The following WDR7 variants were observed in gnomAD, a reference collection of about 807,000 sequenced individuals.
WDR7 encodes the protein WD repeat domain 7.
In WDR7, 46 loss-of-function variants were observed where a neutral mutation model predicts 169.4. The observed-to-expected ratio is 0.27, with a 90% CI of 0.21 to 0.35. The LOEUF (loss-of-function observed/expected upper bound fraction) is 0.35. Ranked by LOEUF, WDR7 falls within the 10% of genes least tolerant of loss-of-function variation. WDR7 has a pLI of 1.00. For missense variants in WDR7, 1,534 were observed against 1,859.3 expected (o/e 0.83, Z 3.22); for synonymous variants, 612 against 666.8 (o/e 0.92, Z 1.27).
At chr18:56,904,606 G>A (rs2046451434) in intron 21 of WDR7, among the ~76,000 whole-genome samples, 1 of 152,082 alleles carries the variant, frequency 6.6e-6, no homozygotes, top group Admixed American at 6.6e-5. Flanking sequence ...GAGAGTGGCA[G>A]CCATTCCTGC....
intron 5 of WDR7, among the ~76,000 whole-genome samples, chr18:56,684,879 G>A (rs1387563294): frequency 6.6e-6 from 1 of 152,208 alleles, no homozygotes; most frequent in Non-Finnish European, 1.5e-5. Context: ...AAGCATAACA[G>A]TGAGAATGAG....
At chr18:56,934,822 A>G (rs1296718771) in intron 22 of WDR7, among the ~76,000 whole-genome samples, 2 of 152,194 alleles carry the variant, frequency 1.3e-5, no homozygotes, top group African/African-American at 4.8e-5. Flanking sequence ...AAGTGTTCAT[A>G]TGTCTTCAAA....
At chr18:56,844,826 G>GGTATA (rs894066372) in intron 20 of WDR7, among the ~76,000 whole-genome samples, 4 of 152,080 alleles carry the variant, frequency 2.6e-5, no homozygotes, top group African/African-American at 9.7e-5. Flanking sequence ...ACTCTTTCCT[G>GGTATA]GTATAGTAGT....
chr18:56,944,432 A>T (rs1256682800), intron 25 of WDR7, among the ~76,000 whole-genome samples: 1 of 152,172 alleles, frequency 6.6e-6, no homozygotes, highest in Non-Finnish European at 1.5e-5. Context: ...ATTTTATTAA[A>T]GTCCCGTTTA....
chr18:56,911,008 A>G (rs891054219), intron 21 of WDR7, among the ~76,000 whole-genome samples: 2 of 152,324 alleles, frequency 1.3e-5, no homozygotes, highest in East Asian at 3.9e-4. Flanking sequence ...TCTTCCAGAA[A>G]GAGCCCTGCT....
At chr18:56,873,549 C>G (rs985641044) in intron 20 of WDR7, 1 of 152,134 alleles carries the variant, frequency 6.6e-6, no homozygotes, top group Non-Finnish European at 1.5e-5. Flanking sequence ...TAATTTCCTA[C>G]TGGAAGCAGC....
Position 56,758,934 on chromosome 18 carries a change from G to T in WDR7, c.2829G>T (p.Val943=), listed in dbSNP as rs909572640. The change falls in exon 16 of 28, where the codon GTG becomes GTT. Residue 943 remains valine (V), a synonymous_variant. Transcript: ENST00000254442. The stretch of plus-strand genomic sequence containing the variant: ...CCCCTCCAACTTCCAGTAATATTGT[G>T]CAAGGACAGATTAAACAAGGTAAAA... The part of the protein sequence containing the change: ...RGSPPTSSNI[V]QGQIKQVAAP... 3 of 1,612,524 alleles carry T rather than the reference G, an allele frequency of 1.9e-6. No homozygotes were observed. Among genetic ancestry groups the T allele is most frequent in the Non-Finnish European group, 2.5e-6 (3 of 1,179,150 alleles).
intron 25 of WDR7, among the ~76,000 whole-genome samples, chr18:56,948,976 T>G (rs1281183184): frequency 6.6e-6 from 1 of 152,186 alleles, no homozygotes; most frequent in Non-Finnish European, 1.5e-5. Flanking sequence ...TTTGTTCTCT[T>G]GTAAAAACCC....
chr18:56,946,504 A>C (rs1287735883), intron 25 of WDR7, among the ~76,000 whole-genome samples: 1 of 152,200 alleles, frequency 6.6e-6, no homozygotes, highest in Non-Finnish European at 1.5e-5. Context: ...TGTTAATTTT[A>C]AAATTTGCCT....
At chr18:56,813,523 G>T in intron 19 of WDR7, among the ~76,000 whole-genome samples, 1 of 151,718 alleles carries the variant, frequency 6.6e-6, no homozygotes, top group East Asian at 1.9e-4. Flanking sequence ...GATATGAGCA[G>T]GAATTCTTTT....
chr18:56,874,423 A>C (rs2045995665), intron 20 of WDR7, among the ~76,000 whole-genome samples: 1 of 152,078 alleles, frequency 6.6e-6, no homozygotes, highest in Non-Finnish European at 1.5e-5. Flanking sequence ...TCTTTAAAAA[A>C]CTAAAACTTT....
intron 14 of WDR7, among the ~76,000 whole-genome samples, chr18:56,755,853 T>G (rs1192074163): frequency 1.3e-5 from 2 of 152,208 alleles, no homozygotes; most frequent in Non-Finnish European, 2.9e-5. Flanking sequence ...AGGTGGCTTC[T>G]TATTCTTTCT....
intron 1 of WDR7, among the ~76,000 whole-genome samples, chr18:56,671,579 A>G (rs1216416635): frequency 6.6e-6 from 1 of 152,032 alleles, no homozygotes; most frequent in African/African-American, 2.4e-5. Flanking sequence ...CCCTGAACAG[A>G]GTTTTGAAAA....
intron 14 of WDR7, among the ~76,000 whole-genome samples, chr18:56,738,740 A>T (rs777975894): frequency 6.6e-6 from 1 of 150,852 alleles, no homozygotes; most frequent in Non-Finnish European, 1.5e-5. Context: ...TTGGCATATT[A>T]AAATATGGAC....
In WDR7 at chr18:56,721,492, C is replaced by G. The variant is rs1012555156; in HGVS notation, c.1774+3333C>G. On this transcript the variant is annotated intron_variant, in intron 13 of 27. Coordinates refer to ENST00000254442, the MANE Select transcript of WDR7 (RefSeq NM_015285.3). ...GTAATGGCCATGGAAATTATTCTTT[C>G]ACATCTCTAAATAGTTAAAAAACTA... The G allele has an allele frequency of 3.3e-5, 5 of 152,262 alleles. No individual in the cohort carries two copies. The East Asian group carries it at 9.6e-4, about 29-fold the overall frequency. The allele number at this position is 152,262 out of a possible 1,614,324, so 9.4% of individuals were successfully genotyped here. A position where few individuals can be genotyped will look rare whatever the true frequency, so the allele number is the denominator to read the frequency against.
At chr18:56,940,775 A>T (rs535377630) in intron 25 of WDR7, among the ~76,000 whole-genome samples, 31 of 152,324 alleles carry the variant, frequency 2.0e-4, no homozygotes, top group Admixed American at 1.7e-3. Flanking sequence ...TTATAGCACC[A>T]GCCACTGGCA....
chr18:56,881,339 T>A (rs1469750555), intron 21 of WDR7, among the ~76,000 whole-genome samples: 2 of 152,138 alleles, frequency 1.3e-5, no homozygotes, highest in Non-Finnish European at 2.9e-5. Flanking sequence ...TTTTTTTAGC[T>A]CTTTACATGC....
At chr18:56,710,632 T>C (rs965290802) in intron 12 of WDR7, among the ~76,000 whole-genome samples, 29 of 152,220 alleles carry the variant, frequency 1.9e-4, no homozygotes, top group Non-Finnish European at 1.5e-5. Flanking sequence ...TCAATGAAAG[T>C]ATCAGAACCT....
At chr18:56,939,512 C>T in intron 25 of WDR7, 119 bp downstream of exon 25, 1 of 583,702 alleles carries the variant, frequency 1.7e-6, no homozygotes. Context: ...TTATTAATGT[C>T]TGCTTACTTT....
Sources: gnomAD v4.1 joint callset for allele counts (sites outside exome capture counted in the v4.1 genomes callset) on GRCh38, gnomAD v4.1.1 for gene constraint, MANE v1.5 for transcripts, NCBI Gene and HGNC (gene_info 2026-07-23, HGNC 2026-07-21) for gene names.